ERBB4: variants seen among roughly 807,000 people sequenced by gnomAD.
The protein encoded by ERBB4 is erb-b2 receptor tyrosine kinase 4.
Under a neutral mutation model 158.0 loss-of-function variants are expected in ERBB4, and 42 were observed. The observed-to-expected ratio is 0.27, with a 90% confidence interval of 0.21 to 0.34. The LOEUF is 0.34. Ranked by LOEUF, ERBB4 falls within the 10% of genes least tolerant of loss-of-function variation. The probability of loss-of-function intolerance (pLI) is 1.00; values close to 1 mark genes in which losing one functional copy is unlikely to be tolerated. For missense variants in ERBB4, 1,333 were observed against 1,624.1 expected (o/e 0.82, Z 3.08); for synonymous variants, 583 against 558.7 (o/e 1.04, Z -0.61).
intron 2 of ERBB4, among the ~76,000 whole-genome samples, chr2:212,050,742 A>T (rs1447869408): frequency 6.6e-6 from 1 of 152,144 alleles, no homozygotes; most frequent in Non-Finnish European, 1.5e-5. Flanking sequence ...GTGATTAAGG[A>T]TGTTGTATCA....
At chr2:212,183,483 A>G (rs890192620) in intron 1 of ERBB4, among the ~76,000 whole-genome samples, 2 of 152,050 alleles carry the variant, frequency 1.3e-5, no homozygotes, top group Non-Finnish European at 2.9e-5. Context: ...TTAAAAATCA[A>G]TGATGAGATA....
intron 1 of ERBB4, among the ~76,000 whole-genome samples, chr2:212,360,115 C>T (rs1164012543): frequency 1.3e-5 from 2 of 151,854 alleles, no homozygotes; most frequent in African/African-American, 4.8e-5. Flanking sequence ...ACTGACACCT[C>T]ACTGTCCCTA....
At chr2:211,782,095 G>A (rs541313359) in intron 4 of ERBB4, among the ~76,000 whole-genome samples, 1 of 152,196 alleles carries the variant, frequency 6.6e-6, no homozygotes, top group African/African-American at 2.4e-5. Flanking sequence ...GGAAGTAAGG[G>A]GGCCTGGAAG....
chr2:211,737,345 C>T (rs904644475), intron 5 of ERBB4, among the ~76,000 whole-genome samples: 1 of 152,146 alleles, frequency 6.6e-6, no homozygotes, highest in African/African-American at 2.4e-5. Flanking sequence ...ATCCACATTT[C>T]TCTACATGCA....
intron 19 of ERBB4, among the ~76,000 whole-genome samples, chr2:211,582,412 G>C (rs572956812): frequency 6.6e-6 from 1 of 152,134 alleles, no homozygotes; most frequent in Non-Finnish European, 1.5e-5. Flanking sequence ...TTAAGGATTG[G>C]ATGGCCGTGA....
chr2:211,692,897 G>A (rs183277026), intron 12 of ERBB4, among the ~76,000 whole-genome samples: 63 of 152,242 alleles, frequency 4.1e-4, no homozygotes, highest in African/African-American at 1.4e-3. Flanking sequence ...TGTAGGCAAG[G>A]TTAGACATGT....
intron 2 of ERBB4, among the ~76,000 whole-genome samples, chr2:212,117,180 G>A (rs946858587): frequency 2.0e-5 from 3 of 152,078 alleles, no homozygotes; most frequent in Non-Finnish European, 2.9e-5. Context: ...TTCTCTCTGT[G>A]TCCTTTTTAG....
At chr2:211,880,663 C>G (rs1898844) in intron 3 of ERBB4, among the ~76,000 whole-genome samples, 20,750 of 152,118 alleles carry the variant, frequency 0.14, 1,660 homozygotes, top group African/African-American at 0.21. Context: ...CATTTGAAAA[C>G]AGCCTGTATC....
chr2:212,061,761 G>C (rs376395125), intron 2 of ERBB4, among the ~76,000 whole-genome samples: 10 of 143,396 alleles, frequency 7.0e-5, no homozygotes, highest in African/African-American at 2.6e-4. Context: ...TTTAGACAGA[G>C]TCTCACTCTT....
chr2:211,575,041 A>C (rs1246816080), intron 19 of ERBB4, among the ~76,000 whole-genome samples: 1 of 152,194 alleles, frequency 6.6e-6, no homozygotes, highest in Non-Finnish European at 1.5e-5. Context: ...GACACATTTA[A>C]AAGGGATAAA....
intron 20 of ERBB4, among the ~76,000 whole-genome samples, chr2:211,484,379 A>G (rs1049684824): frequency 1.3e-5 from 2 of 152,224 alleles, no homozygotes; most frequent in Admixed American, 6.5e-5. Context: ...AGTTACATCA[A>G]TGATCACATT....
Position 211,657,736 on chromosome 2 carries a change from A to C in ERBB4, c.1946+18T>G. On this transcript the variant is annotated intron_variant, in intron 16 of 27. Coordinates refer to ENST00000342788, the MANE Select transcript of ERBB4 (RefSeq NM_005235.3). ...GGAAAGGATTTGAGCGACAAAATGG[A>C]AACATGGTAGATGTTACCTAGCATG... 6.3e-7 allele frequency: 1 copy of C among 1,595,896 alleles called. No individual in the cohort carries two copies. The highest frequency in any genetic ancestry group is 8.6e-7 in the Non-Finnish European group (1 of 1,163,224).
chr2:211,414,045 C>G (rs968722404), intron 25 of ERBB4, among the ~76,000 whole-genome samples: 1 of 152,062 alleles, frequency 6.6e-6, no homozygotes, highest in Non-Finnish European at 1.5e-5. Context: ...TGCAGGCTTC[C>G]TTATCTGCAC....
At chr2:212,358,075 G>C (rs1462773811) in intron 1 of ERBB4, among the ~76,000 whole-genome samples, 2 of 151,778 alleles carry the variant, frequency 1.3e-5, no homozygotes, top group African/African-American at 4.8e-5. Context: ...AGACAAATTT[G>C]CTTGACAGGG....
intron 1 of ERBB4, among the ~76,000 whole-genome samples, chr2:212,188,101 A>G (rs757937024): frequency 3.3e-5 from 5 of 151,524 alleles, no homozygotes; most frequent in Non-Finnish European, 7.4e-5. Context: ...AGCCACAATC[A>G]ATCCAGTTGC....
At chr2:211,513,381 A>AAAAAAAAAC (rs2065937327) in intron 20 of ERBB4, among the ~76,000 whole-genome samples, 3 of 150,552 alleles carry the variant, frequency 2.0e-5, no homozygotes, top group African/African-American at 7.3e-5. Context: ...AAAAAACAAA[A>AAAAAAAAAC]AAAAAACACT....
chr2:211,510,857 C>T (rs1039478405), intron 20 of ERBB4, among the ~76,000 whole-genome samples: 14 of 151,702 alleles, frequency 9.2e-5, no homozygotes, highest in African/African-American at 3.4e-4. Context: ...TTTATTTTTC[C>T]TTTTGTCCTG....
At chr2:211,644,534 C>T (rs2070716639) in intron 16 of ERBB4, among the ~76,000 whole-genome samples, 1 of 151,946 alleles carries the variant, frequency 6.6e-6, no homozygotes, top group African/African-American at 2.4e-5. Flanking sequence ...TTGCCTGAAA[C>T]CATTTCATTT....
chr2:212,127,062 T>C (rs2079952956), intron 1 of ERBB4, among the ~76,000 whole-genome samples: 1 of 152,182 alleles, frequency 6.6e-6, no homozygotes, highest in African/African-American at 2.4e-5. Context: ...CCAGCTAAAT[T>C]GTGTGTCCTA....
Sources: gnomAD v4.1 joint callset for allele counts (sites outside exome capture counted in the v4.1 genomes callset) on GRCh38, gnomAD v4.1.1 for gene constraint, MANE v1.5 for transcripts, NCBI Gene and HGNC (gene_info 2026-07-23, HGNC 2026-07-21) for gene names.